The following CDK13 variants were observed in gnomAD, a reference collection of about 807,000 sequenced individuals.
CDK13 encodes cyclin dependent kinase 13, also known as cyclin-dependent kinase 13.
Under a neutral mutation model 137.6 loss-of-function variants are expected in CDK13, and 40 were observed. That is an observed-to-expected ratio of 0.29 (90% confidence interval 0.23 to 0.38). The LOEUF (loss-of-function observed/expected upper bound fraction) is 0.38, where lower values mean the gene tolerates loss of function less well. Ranked by LOEUF, CDK13 falls within the 10% of genes least tolerant of loss-of-function variation. The probability of loss-of-function intolerance (pLI) is 1.00; values close to 1 mark genes in which losing one functional copy is unlikely to be tolerated. For synonymous variants in CDK13, 869 were observed against 760.1 expected, an observed-to-expected ratio of 1.14 and a Z score of -2.36; for missense variants, 1,704 against 1,951.8, an observed-to-expected ratio of 0.87 and a Z score of 2.39.
At chr7:39,978,470 C>T (rs75454361) in intron 1 of CDK13, among the ~76,000 whole-genome samples, 5,975 of 152,152 alleles carry the variant, frequency 0.039, 345 homozygotes, top group African/African-American at 0.13. Context: ...GAGATTTTGG[C>T]CGTAACTGGA....
chr7:40,073,783 G>A (rs1786477479), intron 9 of CDK13: 1 of 151,652 alleles, frequency 6.6e-6, no homozygotes, highest in Admixed American at 6.6e-5. Flanking sequence ...GTAGAGACGG[G>A]GTTTCACCAT....
intron 5 of CDK13, among the ~76,000 whole-genome samples, chr7:40,038,643 T>C (rs1040582488): frequency 3.9e-5 from 6 of 152,226 alleles, no homozygotes; most frequent in African/African-American, 1.4e-4. Context: ...AGTTCTACTT[T>C]TAGATTTTTG....
At chr7:39,952,272 T>A (rs1252009425) in intron 1 of CDK13, 1 of 158,186 alleles carries the variant, frequency 6.3e-6, no homozygotes, top group Non-Finnish European at 1.4e-5. Context: ...CAACTTAAGA[T>A]CTAGTATTGT....
chr7:39,969,356 G>T (rs1227178087), intron 1 of CDK13, among the ~76,000 whole-genome samples: 1 of 152,150 alleles, frequency 6.6e-6, no homozygotes, highest in Non-Finnish European at 1.5e-5. Context: ...ATCTCGTTCA[G>T]AAGTGATTTT....
chr7:39,950,443 C>A lies in CDK13; in HGVS notation c.-199C>A. The A allele has an allele frequency of 8.1e-7, 1 of 1,236,092 alleles. No homozygotes were observed. The highest frequency in any genetic ancestry group is 1.0e-6 in the Non-Finnish European group (1 of 990,456). 76.6% of individuals were successfully genotyped at this position (1,236,092 alleles called of 1,614,324 possible). A position where few individuals can be genotyped will look rare whatever the true frequency, so the allele number is the denominator to read the frequency against. On this transcript the variant is annotated 5_prime_UTR_variant, in exon 1 of 14. Coordinates refer to ENST00000181839, the MANE Select transcript of CDK13 (RefSeq NM_003718.5). ...CCCGGATTCCTGCTTCCCTGGGGCC[C>A]GGAGGCTGCTGCGTACCCCACTGTG...
intron 11 of CDK13, among the ~76,000 whole-genome samples, chr7:40,080,230 C>T (rs926318748): frequency 6.6e-6 from 1 of 152,114 alleles, no homozygotes; most frequent in African/African-American, 2.4e-5. Context: ...TCAGGTGATC[C>T]ACCCACCTTG....
chr7:40,048,576 T>G (rs1298013602), intron 7 of CDK13: 2 of 152,168 alleles, frequency 1.3e-5, no homozygotes, highest in Non-Finnish European at 2.9e-5. Context: ...TGTATATATA[T>G]ATCTGAAATA....
rs765681990 is a variant in CDK13 at position 40,094,420 on chromosome 7, G to A, written c.3979G>A (p.Asp1327Asn). The change falls in exon 14 of 14, where the codon GAC (aspartate) becomes AAC (asparagine). Residue 1327 changes from aspartate to asparagine, a missense_variant. Asp to Asn is a conservative substitution (Grantham distance 23, BLOSUM62 1). This residue lies in a region of CDK13 where 475 missense variants were observed against 579.3 expected (regional missense o/e 0.82). Coordinates refer to ENST00000181839, the MANE Select transcript of CDK13 (RefSeq NM_003718.5). Reference sequence around the variant, plus strand: ...AGGTGGGATTGATTATCAAGCAGGAGACACTTACGTGTCCACTTCAGACTA... The same window carrying A: ...AGGTGGGATTGATTATCAAGCAGGAAACACTTACGTGTCCACTTCAGACTA... The part of the protein sequence containing the change: ...REGGIDYQAG[D>N]TYVSTSDYKD... 4 of 1,614,038 alleles carry A rather than the reference G, an allele frequency of 2.5e-6. No homozygotes were observed. The South Asian group carries it at 4.4e-5, about 18-fold the overall frequency.
intron 1 of CDK13, among the ~76,000 whole-genome samples, chr7:39,971,214 G>A: frequency 6.6e-6 from 1 of 152,068 alleles, no homozygotes; most frequent in East Asian, 1.9e-4. Context: ...TGCCTGTCTT[G>A]TTTTATAATT....
chr7:39,998,929 T>G (rs1354595094), intron 3 of CDK13: 1 of 152,290 alleles, frequency 6.6e-6, no homozygotes, highest in Non-Finnish European at 1.5e-5. Flanking sequence ...TATAGTTAGA[T>G]TTTTGTTCAC....
chr7:40,016,357 A>G (rs1785004829), intron 5 of CDK13, among the ~76,000 whole-genome samples: 1 of 152,146 alleles, frequency 6.6e-6, no homozygotes, highest in African/African-American at 2.4e-5. Context: ...TGTGAGACCT[A>G]AGTGAGACAA....
At chr7:40,021,575 T>C (rs1251952860) in intron 5 of CDK13, among the ~76,000 whole-genome samples, 1 of 152,152 alleles carries the variant, frequency 6.6e-6, no homozygotes, top group Non-Finnish European at 1.5e-5. Context: ...AAAATATCAC[T>C]AAAAAAGTAG....
chr7:39,962,707 C>T (rs1583912285), intron 1 of CDK13, among the ~76,000 whole-genome samples: 1 of 152,182 alleles, frequency 6.6e-6, no homozygotes, highest in African/African-American at 2.4e-5. Flanking sequence ...AGTCCTTGCC[C>T]ATGCCTATGT....
intron 9 of CDK13, among the ~76,000 whole-genome samples, chr7:40,075,103 A>T (rs1786517225): frequency 6.6e-6 from 1 of 152,130 alleles, no homozygotes; most frequent in Admixed American, 6.5e-5. Flanking sequence ...TGGATAGGAG[A>T]TTTGTCCTAT....
chr7:40,018,493 A>G (rs1206902883), intron 5 of CDK13, among the ~76,000 whole-genome samples: 1 of 152,190 alleles, frequency 6.6e-6, no homozygotes, highest in Admixed American at 6.6e-5. Flanking sequence ...AATTGCAAAG[A>G]TATGGAACCA....
chr7:40,055,909 G>A (rs1786010726), intron 7 of CDK13, among the ~76,000 whole-genome samples: 1 of 152,050 alleles, frequency 6.6e-6, no homozygotes, highest in African/African-American at 2.4e-5. Context: ...TCTGTCTTTG[G>A]ATAATGTATT....
In CDK13 at chr7:40,098,324, A is replaced by G. The variant is rs1787085279; in HGVS notation, c.*3344A>G. The G allele has an allele frequency of 6.6e-6, 1 of 152,070 alleles. No homozygotes were observed. Among genetic ancestry groups the G allele is most frequent in the African/African-American group, 2.4e-5 (1 of 41,430 alleles). 9.4% of individuals were successfully genotyped at this position (152,070 alleles called of 1,614,324 possible). A position where few individuals can be genotyped will look rare whatever the true frequency, so the allele number is the denominator to read the frequency against. ...AGTTAAGGTTTTGCTCTTTGAGCTT[A>G]ATCCAATTTGGGATGATTTTTCATC... On this transcript the variant is annotated 3_prime_UTR_variant, in exon 14 of 14. Coordinates refer to ENST00000181839, the MANE Select transcript of CDK13 (RefSeq NM_003718.5).
At chr7:39,959,286 C>T (rs559124659) in intron 1 of CDK13, among the ~76,000 whole-genome samples, 2 of 151,684 alleles carry the variant, frequency 1.3e-5, no homozygotes, top group South Asian at 2.1e-4. Flanking sequence ...TTCAGCCTTC[C>T]GAGTAGCTGG....
chr7:39,990,860 A>G (rs1345054182), intron 2 of CDK13, among the ~76,000 whole-genome samples: 3 of 152,260 alleles, frequency 2.0e-5, no homozygotes, highest in African/African-American at 4.8e-5. Context: ...GTAATTAGTC[A>G]TAGTATAAAT....
Sources: allele counts gnomAD v4.1 joint callset (sites outside exome capture counted in the v4.1 genomes callset), GRCh38; gene constraint gnomAD v4.1.1; regional missense constraint gnomAD v4.1.1; transcripts MANE v1.5; gene names NCBI Gene and HGNC (gene_info 2026-07-23, HGNC 2026-07-21).